DOCK2: variants seen among roughly 807,000 people sequenced by gnomAD.
DOCK2 encodes the protein dedicator of cytokinesis 2, also known as dedicator of cytokinesis protein 2.
A neutral mutation model predicts 248.9 loss-of-function variants in DOCK2; 87 were observed. That is an observed-to-expected ratio of 0.35 (90% CI 0.29 to 0.42). The LOEUF (loss-of-function observed/expected upper bound fraction) is 0.42. Among genes scored for constraint, DOCK2 ranks in the 10% least tolerant of loss-of-function variants. The pLI, the probability that DOCK2 is intolerant of heterozygous loss-of-function variation, is 1.00. For synonymous variants in DOCK2, 805 were observed against 821.6 expected (o/e 0.98, Z 0.35); for missense variants, 1,747 against 2,300.2 (o/e 0.76, Z 4.92).
chr5:170,018,987 G>T lies in DOCK2; in HGVS notation c.3260G>T (p.Gly1087Val). ...CAGAACAAAATCTGCTTCATCCCAG[G>T]CATGGTAGGACCTATATTAGAGATG... Reference protein sequence around the residue: ...LGQNKICFIPGMVGPILEMTL... With the variant: ...LGQNKICFIPVMVGPILEMTL... The change falls in exon 33 of 52, where the codon GGC (glycine) becomes GTC (valine). Residue 1087 changes from glycine (G) to valine (V), a missense_variant. Gly to Val is a moderately radical substitution (Grantham distance 109, BLOSUM62 -3). This residue lies in a region of DOCK2 where 858 missense variants were observed against 1,183.5 expected (regional missense o/e 0.72). Transcript: ENST00000520908. 1.2e-6 allele frequency: 2 copies of T among 1,613,982 alleles called. No individual in the cohort carries two copies. Among genetic ancestry groups the T allele is most frequent in the Non-Finnish European group, 1.7e-6 (2 of 1,179,922 alleles).
chr5:169,903,509 G>C (rs1774074670), intron 27 of DOCK2, among the ~76,000 whole-genome samples: 2 of 149,818 alleles, frequency 1.3e-5, no homozygotes, highest in South Asian at 2.2e-4. Context: ...GCTTGGAAGA[G>C]AGTAGGAGCC....
At chr5:169,814,245 C>G (rs1021163578) in intron 26 of DOCK2, among the ~76,000 whole-genome samples, 2 of 152,188 alleles carry the variant, frequency 1.3e-5, no homozygotes, top group Non-Finnish European at 2.9e-5. Flanking sequence ...CATGTGCCTC[C>G]TGACACGATG....
chr5:170,032,466 G>T (rs1322398266), intron 34 of DOCK2, among the ~76,000 whole-genome samples: 2 of 152,192 alleles, frequency 1.3e-5, no homozygotes, highest in Admixed American at 6.5e-5. Context: ...AGCTCCCCTG[G>T]TGATTCTATC....
chr5:169,988,259 A>G lies in DOCK2; in HGVS notation c.2993+2337A>G, dbSNP rs187751433. Among the ~76,000 whole-genome samples the G allele has an allele frequency of 3.2e-4, 48 of 152,290 alleles. No homozygotes were observed. In the East Asian group the frequency reaches 5.4e-3, roughly 17 times the overall value. On this transcript the variant is annotated intron_variant, in intron 29 of 51. Coordinates refer to ENST00000520908, the MANE Select transcript of DOCK2 (RefSeq NM_004946.3). Reference sequence around the variant, plus strand: ...TTCTCACTATTTTTGCATTTTGTATATTATAATAGCTAACATTTATTAAGT... The same window carrying G: ...TTCTCACTATTTTTGCATTTTGTATGTTATAATAGCTAACATTTATTAAGT...
intron 27 of DOCK2, among the ~76,000 whole-genome samples, chr5:169,920,692 A>G (rs575447431): frequency 6.6e-6 from 1 of 152,322 alleles, no homozygotes; most frequent in East Asian, 1.9e-4. Context: ...CATAGAGAGC[A>G]CATCAGCTCT....
At chr5:169,937,173 A>T (rs770532554) in intron 27 of DOCK2, among the ~76,000 whole-genome samples, 1 of 152,256 alleles carries the variant, frequency 6.6e-6, no homozygotes, top group Non-Finnish European at 1.5e-5. Context: ...ATAGTTGTCC[A>T]GAGCTGCTTT....
intron 44 of DOCK2, among the ~76,000 whole-genome samples, chr5:170,064,040 C>T (rs559509206): frequency 6.6e-5 from 10 of 152,276 alleles, no homozygotes; most frequent in South Asian, 4.2e-4. Flanking sequence ...GGAAGTGGCA[C>T]ATCCTAAACT....
intron 40 of DOCK2, 103 bp from the exon 41 acceptor site, chr5:170,050,153 C>A: frequency 6.9e-7 from 1 of 1,442,642 alleles, no homozygotes; most frequent in Non-Finnish European, 9.5e-7. Flanking sequence ...ATGCACTGGA[C>A]ATCCCCATGG....
intron 30 of DOCK2, among the ~76,000 whole-genome samples, chr5:169,997,141 A>T (rs912636533): frequency 6.7e-6 from 1 of 150,308 alleles, no homozygotes; most frequent in East Asian, 1.9e-4. Context: ...ACGTGAACAA[A>T]GGTCTTTGCA....
At chr5:169,854,210 A>G (rs7704841) in intron 27 of DOCK2, among the ~76,000 whole-genome samples, 103,182 of 148,746 alleles carry the variant, frequency 0.69, 36,639 homozygotes, top group African/African-American at 0.88. Context: ...TTTTGAGACA[A>G]AGTCTCACTG....
chr5:169,900,817 A>G (rs1042619836), intron 27 of DOCK2, among the ~76,000 whole-genome samples: 2 of 152,156 alleles, frequency 1.3e-5, no homozygotes, highest in African/African-American at 4.8e-5. Context: ...ATTTCCTCCT[A>G]TTACCAAGAT....
In DOCK2 at chr5:170,081,847, G is replaced by A. The variant is rs757360422; in HGVS notation, c.5293G>A (p.Ala1765Thr). ...CAGCTCTGCTCTCCTTCCAGCCCTG[G>A]CGCTCTCAGTGGCAGGCATCCCTGG... ...SQSMPTIPAL[A>T]LSVAGIPGLD... is the part of the protein sequence containing the mutation. Residue 1765 changes from alanine to threonine, a missense_variant, in exon 51 of 52, where the codon GCG (alanine) becomes ACG (threonine). Coordinates refer to ENST00000520908, the MANE Select transcript of DOCK2 (RefSeq NM_004946.3). 4 of 1,612,200 alleles carry A rather than the reference G, an allele frequency of 2.5e-6. No individual in the cohort carries two copies. The highest frequency in any genetic ancestry group is 3.4e-6 in the Non-Finnish European group (4 of 1,179,550).
rs867451783 is a variant in DOCK2, at chr5:170,019,214, C to T, written c.3381+106C>T. 2.9e-4 allele frequency: 447 copies of T among 1,535,882 alleles called. 3 individuals are homozygous for T. In the Middle Eastern group the frequency reaches 6.5e-3, roughly 22 times the overall value. On this transcript the variant is annotated intron_variant, in intron 33 of 51. Transcript: ENST00000520908. The stretch of plus-strand genomic sequence containing the variant: ...CCCTGAGCTTCATTGAGAGGCTCGG[C>T]GGCAGGATAGGGACATTTATTCATG...
intron 36 of DOCK2, among the ~76,000 whole-genome samples, chr5:170,040,142 C>A (rs1756465443): frequency 6.6e-6 from 1 of 152,204 alleles, no homozygotes; most frequent in African/African-American, 2.4e-5. Context: ...GTAAGACACA[C>A]ATGGTCTCCT....
chr5:170,039,184 T>C (rs1461794435), intron 36 of DOCK2, among the ~76,000 whole-genome samples: 1 of 152,192 alleles, frequency 6.6e-6, no homozygotes, highest in Non-Finnish European at 1.5e-5. Flanking sequence ...AAACACCCAT[T>C]TTTTGAATGA....
At chr5:169,842,396 C>T (rs1334253292) in intron 27 of DOCK2, among the ~76,000 whole-genome samples, 6 of 152,128 alleles carry the variant, frequency 3.9e-5, no homozygotes, top group Non-Finnish European at 7.4e-5. Flanking sequence ...CTCACTCTGT[C>T]GCCCAGGCTG....
intron 22 of DOCK2, among the ~76,000 whole-genome samples, chr5:169,742,101 C>G (rs1763347434): frequency 6.6e-6 from 1 of 152,166 alleles, no homozygotes; most frequent in Admixed American, 6.5e-5. Flanking sequence ...CAGGTGTGAG[C>G]CACTGCGCCC....
intron 26 of DOCK2, among the ~76,000 whole-genome samples, chr5:169,833,674 G>A (rs1769376390): frequency 6.6e-6 from 1 of 152,176 alleles, no homozygotes; most frequent in Non-Finnish European, 1.5e-5. Context: ...GGAGATGCCA[G>A]ACGAAAGTGT....
At chr5:169,931,086 T>G (rs1775728156) in intron 27 of DOCK2, among the ~76,000 whole-genome samples, 2 of 152,196 alleles carry the variant, frequency 1.3e-5, no homozygotes, top group African/African-American at 4.8e-5. Context: ...TGGCTTTGCT[T>G]GACTGGTTGA....
Sources: gnomAD v4.1 joint callset for allele counts (sites outside exome capture counted in the v4.1 genomes callset) on GRCh38, gnomAD v4.1.1 for gene constraint, gnomAD v4.1.1 regional missense constraint, MANE v1.5 for transcripts, NCBI Gene and HGNC (gene_info 2026-07-23, HGNC 2026-07-21) for gene names.